The following PRKCI variants were observed in gnomAD, a reference collection of about 807,000 sequenced individuals.
PRKCI encodes protein kinase C iota type.
PRKCI carries 43 observed loss-of-function variants against 84.0 expected under a neutral mutation model. The observed-to-expected ratio is 0.51, with a 90% CI of 0.40 to 0.66. The LOEUF is 0.66. Among genes scored for constraint, PRKCI ranks in the 30% least tolerant of loss-of-function variants. The pLI is 0.00. For synonymous variants in PRKCI, 216 were observed against 234.4 expected (o/e 0.92, Z 0.72); for missense variants, 459 against 745.6 (o/e 0.62, Z 4.48).
chr3:170,242,218 G>C (rs1478088357), intron 2 of PRKCI, among the ~76,000 whole-genome samples: 1 of 152,152 alleles, frequency 6.6e-6, no homozygotes, highest in Non-Finnish European at 1.5e-5. Flanking sequence ...TTGGCTGAAT[G>C]TGTAGCCAAT....
At chr3:170,240,680 C>T (rs1733107948) in intron 2 of PRKCI, among the ~76,000 whole-genome samples, 1 of 152,134 alleles carries the variant, frequency 6.6e-6, no homozygotes, top group Non-Finnish European at 1.5e-5. Context: ...AAAAAAAATT[C>T]TCTAGGATCA....
chr3:170,283,952 G>T (rs140944743), intron 11 of PRKCI, among the ~76,000 whole-genome samples: 1 of 152,160 alleles, frequency 6.6e-6, no homozygotes, highest in African/African-American at 2.4e-5. Flanking sequence ...GTTGTTTATA[G>T]TTGTAGAATA....
intron 2 of PRKCI, among the ~76,000 whole-genome samples, chr3:170,250,484 TC>T (rs1368178889): frequency 5.8e-5 from 7 of 121,066 alleles, no homozygotes; most frequent in South Asian, 2.9e-4. Flanking sequence ...GCTACTTGTT[TC>T]CCCCCTACCC....
intron 14 of PRKCI, among the ~76,000 whole-genome samples, chr3:170,294,400 A>T (rs1459692132): frequency 6.6e-6 from 1 of 152,238 alleles, no homozygotes; most frequent in Admixed American, 6.5e-5. Flanking sequence ...TCATGCCCAA[A>T]TGGCCATGGA....
At chr3:170,301,622 A>G (rs954069288) in intron 17 of PRKCI, among the ~76,000 whole-genome samples, 1 of 152,122 alleles carries the variant, frequency 6.6e-6, no homozygotes, top group African/African-American at 2.4e-5. Context: ...TAATACCTGC[A>G]GCTGCCAAGT....
At chr3:170,242,756 G>A (rs1318141901) in intron 2 of PRKCI, among the ~76,000 whole-genome samples, 1 of 150,122 alleles carries the variant, frequency 6.7e-6, no homozygotes, top group Admixed American at 6.6e-5. Flanking sequence ...CTGCAACCTC[G>A]ACCTCCTGGG....
rs1734950005 is a variant in PRKCI at position 170,305,927 on chromosome 3, T to C, written c.*2800T>C. 1 of 127,964 alleles carries C rather than the reference T, an allele frequency of 7.8e-6. No homozygotes were observed. The highest frequency in any genetic ancestry group is 3.8e-3 in the Middle Eastern group (1 of 260). The allele number at this position is 127,964 out of a possible 1,614,324, so 7.9% of individuals were successfully genotyped here. On this transcript the variant is annotated 3_prime_UTR_variant, in exon 18 of 18. Coordinates refer to ENST00000295797, the MANE Select transcript of PRKCI (RefSeq NM_002740.6). ...TCATAATGTAATCTATTTCTGTACC[T>C]TTTTTTTTTTTTTTTACTTTGAAGT...
intron 2 of PRKCI, among the ~76,000 whole-genome samples, chr3:170,257,791 A>C (rs1048131713): frequency 2.7e-4 from 41 of 151,152 alleles, no homozygotes; most frequent in Middle Eastern, 3.4e-3. Context: ...TAGCCTCCTG[A>C]GTAGCTGGGA....
At chr3:170,265,828 A>G (rs1356983576) in intron 4 of PRKCI, among the ~76,000 whole-genome samples, 1 of 151,490 alleles carries the variant, frequency 6.6e-6, no homozygotes, top group Non-Finnish European at 1.5e-5. Context: ...GTAGAGTGCT[A>G]GCCAGGATGG....
At chr3:170,296,040 A>C in intron 15 of PRKCI, 50 bp downstream of exon 15, 1 of 1,087,168 alleles carries the variant, frequency 9.2e-7, no homozygotes, top group Non-Finnish European at 1.3e-6. Context: ...TTCTATATAT[A>C]TCAAACTGGT....
At chr3:170,281,308 T>G in intron 10 of PRKCI, 45 bp downstream of exon 10, 1 of 1,527,868 alleles carries the variant, frequency 6.5e-7, no homozygotes, top group East Asian at 2.2e-5. Context: ...TTCATATTTT[T>G]GGTCATATTA....
At chr3:170,232,419 G>A (rs1732824554) in intron 1 of PRKCI, among the ~76,000 whole-genome samples, 1 of 150,148 alleles carries the variant, frequency 6.7e-6, no homozygotes, top group Non-Finnish European at 1.5e-5. Context: ...AGGCTAGAGT[G>A]CAATGACATA....
chr3:170,277,695 A>G (rs1734151887), intron 8 of PRKCI, among the ~76,000 whole-genome samples: 1 of 139,924 alleles, frequency 7.1e-6, no homozygotes, highest in African/African-American at 2.8e-5. Context: ...CTCCGTCTCA[A>G]AAAAAAAAAA....
At chr3:170,275,377 C>CTT in intron 8 of PRKCI, 90 bp downstream of exon 8, 1 of 1,205,784 alleles carries the variant, frequency 8.3e-7, no homozygotes, top group Non-Finnish European at 1.1e-6. Context: ...CCTGCTTAGA[C>CTT]TTTAGATCAT....
chr3:170,235,116 T>G, intron 1 of PRKCI, 114 bp from the exon 2 acceptor site: 1 of 1,085,086 alleles, frequency 9.2e-7, no homozygotes, highest in East Asian at 2.6e-5. Context: ...AAGCAATACA[T>G]GTTGATGCAC....
At chr3:170,287,780 C>T (rs955799393) in intron 12 of PRKCI, among the ~76,000 whole-genome samples, 1 of 151,490 alleles carries the variant, frequency 6.6e-6, no homozygotes. Flanking sequence ...GGCATGGTGG[C>T]ACACCTGTGG....
At chr3:170,271,042 A>G (rs1350889996) in intron 6 of PRKCI, among the ~76,000 whole-genome samples, 3 of 139,024 alleles carry the variant, frequency 2.2e-5, no homozygotes, top group Non-Finnish European at 4.4e-5. Flanking sequence ...TTTGTTATCG[A>G]AAAAAATACA....
At chr3:170,253,714 C>A (rs1300352202) in intron 2 of PRKCI, among the ~76,000 whole-genome samples, 1 of 152,082 alleles carries the variant, frequency 6.6e-6, no homozygotes, top group Non-Finnish European at 1.5e-5. Flanking sequence ...TGGCATGAAC[C>A]TGGGAGGCAG....
chr3:170,250,406 T>C (rs1733411198), intron 2 of PRKCI, among the ~76,000 whole-genome samples: 1 of 146,662 alleles, frequency 6.8e-6, no homozygotes, highest in Admixed American at 6.9e-5. Flanking sequence ...GTTATCACCA[T>C]CAATTATAGA....
Sources: allele counts gnomAD v4.1 joint callset (sites outside exome capture counted in the v4.1 genomes callset), GRCh38; gene constraint gnomAD v4.1.1; transcripts MANE v1.5; gene names NCBI Gene and HGNC (gene_info 2026-07-23, HGNC 2026-07-21).